The following CSMD1 variants were observed in gnomAD, a reference collection of about 807,000 sequenced individuals.
CSMD1 encodes CUB and Sushi multiple domains 1, also known as CUB and sushi domain-containing protein 1.
CSMD1 carries 213 observed loss-of-function variants against 417.5 expected under a neutral mutation model. The observed-to-expected ratio is 0.51, with a 90% CI of 0.46 to 0.57. The LOEUF is 0.57. Among genes scored for constraint, CSMD1 ranks in the 20% least tolerant of loss-of-function variants. The pLI is 0.00. For synonymous variants in CSMD1, 2,862 were observed against 1,736.8 expected (o/e 1.65, Z -16.11); for missense variants, 6,923 against 4,529.7 (o/e 1.53, Z -15.17).
rs965314830 is a variant in CSMD1, at chr8:3,216,940, C to G, written c.4673-2249G>C. On this transcript the variant is annotated intron_variant, in intron 29 of 69. Coordinates refer to ENST00000635120, the MANE Select transcript of CSMD1 (RefSeq NM_033225.6). Reference sequence around the variant, plus strand: ...ATGCAATACAATGACATCACTGCACCAGGCTTAGATGCAATCACTGCCCTA... The same window carrying G: ...ATGCAATACAATGACATCACTGCACGAGGCTTAGATGCAATCACTGCCCTA... Among the ~76,000 whole-genome samples, 2 of 152,258 alleles carry G rather than the reference C, an allele frequency of 1.3e-5. 1 individual carries two copies. Among genetic ancestry groups the G allele is most frequent in the Middle Eastern group, 6.8e-3 (2 of 294 alleles).
At chr8:4,933,862 T>C (rs1471935124) in intron 1 of CSMD1, among the ~76,000 whole-genome samples, 3 of 152,348 alleles carry the variant, frequency 2.0e-5, no homozygotes, top group South Asian at 4.1e-4. Context: ...TTTACAAAGA[T>C]ACATTGAGGC....
intron 12 of CSMD1, among the ~76,000 whole-genome samples, chr8:3,432,252 T>C (rs1814264058): frequency 6.6e-6 from 1 of 151,984 alleles, no homozygotes; most frequent in Non-Finnish European, 1.5e-5. Flanking sequence ...TTTAAATAAA[T>C]AGATTTTTAA....
intron 11 of CSMD1, among the ~76,000 whole-genome samples, chr8:3,472,995 A>C (rs1050774345): frequency 6.6e-6 from 1 of 152,026 alleles, no homozygotes; most frequent in Non-Finnish European, 1.5e-5. Context: ...ACCCCACCAA[A>C]GTAGGCTCCT....
chr8:4,938,965 C>T (rs959465865), intron 1 of CSMD1, among the ~76,000 whole-genome samples: 3 of 152,062 alleles, frequency 2.0e-5, no homozygotes, highest in African/African-American at 7.2e-5. Flanking sequence ...TATTCTAGTC[C>T]TTTGTCCATG....
intron 5 of CSMD1, among the ~76,000 whole-genome samples, chr8:3,844,768 T>C (rs1041731233): frequency 5.9e-5 from 9 of 152,176 alleles, no homozygotes; most frequent in Admixed American, 2.0e-4. Flanking sequence ...TCAGAACTTA[T>C]GAGCGAAACA....
intron 2 of CSMD1, among the ~76,000 whole-genome samples, chr8:4,565,678 T>C (rs1372145703): frequency 2.7e-5 from 4 of 149,602 alleles, no homozygotes; most frequent in East Asian, 4.0e-4. Flanking sequence ...GAGGTTGCAG[T>C]GAGCTGGGAT....
At chr8:4,912,110 T>C (rs1390638307) in intron 1 of CSMD1, among the ~76,000 whole-genome samples, 2 of 52,620 alleles carry the variant, frequency 3.8e-5, no homozygotes, top group Non-Finnish European at 8.7e-5. Context: ...TTTCTAGTGC[T>C]CAACATAGCT....
At chr8:4,072,073 T>C (rs1585252209) in intron 3 of CSMD1, among the ~76,000 whole-genome samples, 1 of 152,212 alleles carries the variant, frequency 6.6e-6, no homozygotes, top group Non-Finnish European at 1.5e-5. Flanking sequence ...CCACCAGCAC[T>C]GACATGCTTG....
At chr8:3,521,615 T>G (rs894745272) in intron 10 of CSMD1, among the ~76,000 whole-genome samples, 5 of 152,340 alleles carry the variant, frequency 3.3e-5, no homozygotes, top group African/African-American at 1.2e-4. Flanking sequence ...GCTAAATCCC[T>G]TGTACACGGA....
At chr8:4,581,130 G>C (rs1180322220) in intron 2 of CSMD1, among the ~76,000 whole-genome samples, 2 of 152,096 alleles carry the variant, frequency 1.3e-5, no homozygotes, top group Non-Finnish European at 2.9e-5. Context: ...ACGGTAGAAA[G>C]AATCTTTAGT....
At chr8:3,600,601 G>A (rs1008899971) in intron 8 of CSMD1, among the ~76,000 whole-genome samples, 8 of 152,180 alleles carry the variant, frequency 5.3e-5, no homozygotes, top group Non-Finnish European at 7.3e-5. Flanking sequence ...ACGATGGCAA[G>A]CAAGTATTAT....
rs547170781 is a variant in CSMD1, at chr8:4,449,092, A to G, written c.303-29027T>C. Among the ~76,000 whole-genome samples the G allele has an allele frequency of 2.2e-4, 34 of 152,366 alleles. No individual in the cohort carries two copies. In the South Asian group the frequency reaches 7.0e-3, roughly 32 times the overall value. On this transcript the variant is annotated intron_variant, in intron 2 of 69. Transcript: ENST00000635120. ...AAACCTCTTTCTAAGGAGATTGAATAGCTTAAGAGATTTGCAAAAATAAAA... is the reference window on the plus strand; with the variant it reads ...AAACCTCTTTCTAAGGAGATTGAATGGCTTAAGAGATTTGCAAAAATAAAA...
In CSMD1 at chr8:3,800,931, T is replaced by G. The variant is rs561995699; in HGVS notation, c.819-46889A>C. ...TGAAATAAACCTCTTTCTTTATAAT[T>G]TATCCAGCCCCAAATATTCCTTTTA... is the stretch of plus-strand genomic sequence containing the variant. On this transcript the variant is annotated intron_variant, in intron 5 of 69. Coordinates refer to ENST00000635120, the MANE Select transcript of CSMD1 (RefSeq NM_033225.6). 3.9e-5 allele frequency among the ~76,000 whole-genome samples: 6 copies of G among 152,144 alleles called. No individual in the cohort carries two copies. In the East Asian group the frequency reaches 9.7e-4, roughly 24 times the overall value.
intron 8 of CSMD1, among the ~76,000 whole-genome samples, chr8:3,616,372 T>C (rs1802138101): frequency 6.6e-6 from 1 of 152,150 alleles, no homozygotes; most frequent in Non-Finnish European, 1.5e-5. Flanking sequence ...TGAAGAAGGA[T>C]GTGTTTGCTT....
chr8:3,773,887 C>G (rs1403716407), intron 5 of CSMD1, among the ~76,000 whole-genome samples: 1 of 152,150 alleles, frequency 6.6e-6, no homozygotes, highest in Non-Finnish European at 1.5e-5. Flanking sequence ...GAGGAAAATG[C>G]AAACCAATAA....
At chr8:3,640,041 A>G (rs1349933383) in intron 7 of CSMD1, among the ~76,000 whole-genome samples, 2 of 152,216 alleles carry the variant, frequency 1.3e-5, no homozygotes, top group East Asian at 1.9e-4. Context: ...GAATTAATGC[A>G]TGCATTAATC....
intron 7 of CSMD1, among the ~76,000 whole-genome samples, chr8:3,693,407 G>A (rs1800361461): frequency 6.6e-6 from 1 of 152,052 alleles, no homozygotes; most frequent in Admixed American, 6.6e-5. Flanking sequence ...TAAGAGTGTG[G>A]GATAGGCTGA....
intron 1 of CSMD1, among the ~76,000 whole-genome samples, chr8:4,721,091 G>C (rs1162165038): frequency 6.6e-6 from 1 of 152,124 alleles, no homozygotes; most frequent in Non-Finnish European, 1.5e-5. Context: ...GGGTTAAGGA[G>C]GAAGTATGAA....
chr8:3,024,006 T>C (rs1345058836), intron 51 of CSMD1, among the ~76,000 whole-genome samples: 2 of 151,948 alleles, frequency 1.3e-5, no homozygotes, highest in Non-Finnish European at 2.9e-5. Context: ...GTGTGGAAAA[T>C]TGGCCTTACA....
Sources: gnomAD v4.1 joint callset for allele counts (sites outside exome capture counted in the v4.1 genomes callset) on GRCh38, gnomAD v4.1.1 for gene constraint, MANE v1.5 for transcripts, NCBI Gene and HGNC (gene_info 2026-07-23, HGNC 2026-07-21) for gene names.